RBPMS: variants seen among roughly 807,000 people sequenced by gnomAD.
RBPMS encodes RNA-binding protein with multiple splicing.
RBPMS carries 7 observed loss-of-function variants against 26.8 expected under a neutral mutation model. That is an observed-to-expected ratio of 0.26 (90% CI 0.15 to 0.49). The LOEUF is 0.49. Ranked by LOEUF, RBPMS falls within the 20% of genes least tolerant of loss-of-function variation. The pLI, the probability that RBPMS is intolerant of heterozygous loss-of-function variation, is 0.98. For synonymous variants in RBPMS, 96 were observed against 93.3 expected (o/e 1.03, Z -0.17); for missense variants, 186 against 250.0 (o/e 0.74, Z 1.73).
chr8:30,385,031 GCGCGCCCTCGCCCAGCCC>G lies in RBPMS; in HGVS notation c.-54_-37del. ...GCCCGGGGAAGGCTCCAGTGGGCTA[GCGCGCCCTCGCCCAGCCC>G]CGCGCCCCAGCCCTGCCCGGCCCGG... On this transcript the variant is annotated 5_prime_UTR_variant, in exon 1 of 9. Coordinates refer to ENST00000397323, the MANE Select transcript of RBPMS (RefSeq NM_001008710.3). 1.5e-6 allele frequency: 2 copies of G among 1,379,304 alleles called. No homozygotes were observed. Among genetic ancestry groups the G allele is most frequent in the Non-Finnish European group, 1.9e-6 (2 of 1,034,302 alleles). 85.4% of individuals were successfully genotyped at this position (1,379,304 alleles called of 1,614,324 possible).
At chr8:30,568,495 T>C (rs186354547) in intron 8 of RBPMS, among the ~76,000 whole-genome samples, 1 of 152,308 alleles carries the variant, frequency 6.6e-6, no homozygotes, top group African/African-American at 2.4e-5. Context: ...TGTTTTAGAA[T>C]TGTGTAATAT....
chr8:30,409,504 C>T (rs1212392409), intron 1 of RBPMS, among the ~76,000 whole-genome samples: 1 of 152,012 alleles, frequency 6.6e-6, no homozygotes, highest in Admixed American at 6.6e-5. Flanking sequence ...AGAGTGTTTT[C>T]TTTAATCTTT....
At chr8:30,547,169 T>G in intron 6 of RBPMS, 1 of 714,800 alleles carries the variant, frequency 1.4e-6, no homozygotes, top group Non-Finnish European at 2.4e-6. Context: ...CATCTCCCCA[T>G]ATTGGAGAAT....
chr8:30,475,643 C>T (rs186180778), intron 2 of RBPMS, among the ~76,000 whole-genome samples: 10 of 152,256 alleles, frequency 6.6e-5, no homozygotes. Context: ...AGCAGGTCCC[C>T]AGTGATAGAG....
At chr8:30,441,259 C>T (rs190271763) in intron 1 of RBPMS, among the ~76,000 whole-genome samples, 187 of 152,262 alleles carry the variant, frequency 1.2e-3, no homozygotes, top group Non-Finnish European at 1.8e-3. Context: ...TTTTCTTTCA[C>T]TTGCTCCTAA....
intron 7 of RBPMS, among the ~76,000 whole-genome samples, chr8:30,562,481 G>A (rs1051767723): frequency 2.0e-5 from 3 of 152,046 alleles, no homozygotes; most frequent in South Asian, 2.1e-4. Context: ...TCCTGCACGC[G>A]GGGGAGTCTA....
At chr8:30,431,212 T>C (rs955185631) in intron 1 of RBPMS, among the ~76,000 whole-genome samples, 1 of 152,154 alleles carries the variant, frequency 6.6e-6, no homozygotes, top group Non-Finnish European at 1.5e-5. Context: ...CTTGATTTTA[T>C]TGTGTGGCAT....
chr8:30,385,079 G>T lies in RBPMS; in HGVS notation c.-14G>T. 1 of 1,509,706 alleles carries T rather than the reference G, an allele frequency of 6.6e-7. No homozygotes were observed. The highest frequency in any genetic ancestry group is 2.8e-5 in the East Asian group (1 of 35,664). The allele number at this position is 1,509,706 out of a possible 1,614,324, so 93.5% of individuals were successfully genotyped here. A position where few individuals can be genotyped will look rare whatever the true frequency, so the allele number is the denominator to read the frequency against. Reference sequence around the variant, plus strand: ...CCCCAGCCCTGCCCGGCCCGGCGAGGAAGGACCGGGAAGATGAACAACGGC... The same window carrying T: ...CCCCAGCCCTGCCCGGCCCGGCGAGTAAGGACCGGGAAGATGAACAACGGC... On this transcript the variant is annotated 5_prime_UTR_variant, in exon 1 of 9. Transcript: ENST00000397323.
chr8:30,428,762 A>G (rs1221603184), intron 1 of RBPMS, among the ~76,000 whole-genome samples: 1 of 151,920 alleles, frequency 6.6e-6, no homozygotes, highest in East Asian at 1.9e-4. Context: ...ACAAGTACGT[A>G]CTGTGGGAAT....
intron 4 of RBPMS, among the ~76,000 whole-genome samples, chr8:30,479,691 C>T (rs1818072060): frequency 6.6e-6 from 1 of 151,888 alleles, no homozygotes; most frequent in African/African-American, 2.4e-5. Flanking sequence ...TTTGTTTTTT[C>T]CAGAGGAGAT....
At chr8:30,522,241 T>C (rs913239506) in intron 5 of RBPMS, among the ~76,000 whole-genome samples, 10 of 151,488 alleles carry the variant, frequency 6.6e-5, no homozygotes, top group African/African-American at 2.4e-4. Context: ...CTAGTCCAGC[T>C]TGGGCAACAT....
intron 1 of RBPMS, among the ~76,000 whole-genome samples, chr8:30,465,033 A>G (rs1816343393): frequency 6.6e-6 from 1 of 152,208 alleles, no homozygotes; most frequent in African/African-American, 2.4e-5. Flanking sequence ...TCATAGGCTG[A>G]CTAGGGTTGA....
chr8:30,466,184 G>T (rs2150797591), intron 1 of RBPMS, among the ~76,000 whole-genome samples: 1 of 152,266 alleles, frequency 6.6e-6, no homozygotes, highest in South Asian at 2.1e-4. Context: ...CAAAACTAGG[G>T]AGTCACGTAC....
chr8:30,543,796 A>G (rs1825633459), intron 5 of RBPMS, among the ~76,000 whole-genome samples: 2 of 152,326 alleles, frequency 1.3e-5, no homozygotes, highest in East Asian at 1.9e-4. Flanking sequence ...GCACTTGGCA[A>G]TATGACTCAC....
At position 30,480,335 on chromosome 8, in the gene RBPMS, C is replaced by T. The variant is rs565979483; in HGVS notation, c.246+958C>T. Among the ~76,000 whole-genome samples, 5 of 152,144 alleles carry T rather than the reference C, an allele frequency of 3.3e-5. No individual in the cohort carries two copies. The South Asian group carries it at 1.0e-3, about 32-fold the overall frequency. Reference sequence around the variant, plus strand: ...CTGCAGGTACCCCTGGCAGCTGCTCCTTTGAGTAGACCATGCAGAGTGCTG... The same window carrying T: ...CTGCAGGTACCCCTGGCAGCTGCTCTTTTGAGTAGACCATGCAGAGTGCTG... On this transcript the variant is annotated intron_variant, in intron 4 of 8. Transcript: ENST00000397323.
Position 30,385,041 on chromosome 8 carries a change from GCCCAGCCCCGCGC to G in RBPMS, c.-43_-31del. 7.0e-7 allele frequency: 1 copy of G among 1,429,898 alleles called. No homozygotes were observed. Among genetic ancestry groups the G allele is most frequent in the Non-Finnish European group, 9.3e-7 (1 of 1,073,348 alleles). The allele number at this position is 1,429,898 out of a possible 1,614,324, so 88.6% of individuals were successfully genotyped here. A position where few individuals can be genotyped will look rare whatever the true frequency, so the allele number is the denominator to read the frequency against. ...GGCTCCAGTGGGCTAGCGCGCCCTC[GCCCAGCCCCGCGC>G]CCCAGCCCTGCCCGGCCCGGCGAGG... On this transcript the variant is annotated 5_prime_UTR_variant, in exon 1 of 9. Transcript: ENST00000397323.
intron 6 of RBPMS, among the ~76,000 whole-genome samples, chr8:30,551,053 T>C (rs191134419): frequency 1.6e-4 from 24 of 152,334 alleles, no homozygotes; most frequent in African/African-American, 5.3e-4. Flanking sequence ...TTCCAGGCAA[T>C]GGAGTTACAG....
intron 7 of RBPMS, among the ~76,000 whole-genome samples, chr8:30,563,720 G>A (rs1241256252): frequency 1.3e-5 from 2 of 152,220 alleles, no homozygotes; most frequent in African/African-American, 4.8e-5. Flanking sequence ...GTCATCCTCA[G>A]TAGAGTCCCA....
chr8:30,509,153 A>G (rs1223751563), intron 5 of RBPMS, among the ~76,000 whole-genome samples: 1 of 152,190 alleles, frequency 6.6e-6, no homozygotes, highest in African/African-American at 2.4e-5. Context: ...TTTGATGCAC[A>G]GTTGAGAGTC....
Sources: gnomAD v4.1 joint callset for allele counts (sites outside exome capture counted in the v4.1 genomes callset) on GRCh38, gnomAD v4.1.1 for gene constraint, MANE v1.5 for transcripts, NCBI Gene and HGNC (gene_info 2026-07-23, HGNC 2026-07-21) for gene names.